The following COL22A1 variants were observed in gnomAD, a reference collection of about 807,000 sequenced individuals.
COL22A1 encodes collagen alpha-1(XXII) chain.
In COL22A1, 221 loss-of-function variants were observed where a neutral mutation model predicts 248.9. The observed-to-expected ratio is 0.89, with a 90% CI of 0.80 to 0.99. The LOEUF is 0.99. Ranked by LOEUF, COL22A1 falls within the 50% of genes least tolerant of loss-of-function variation. The probability of loss-of-function intolerance (pLI) is 0.00; values close to 1 mark genes in which losing one functional copy is unlikely to be tolerated. For missense variants in COL22A1, 2,240 were observed against 2,179.0 expected (o/e 1.03, Z -0.56); for synonymous variants, 891 against 793.4 (o/e 1.12, Z -2.07).
intron 39 of COL22A1, among the ~76,000 whole-genome samples, chr8:138,680,554 C>T (rs1825879608): frequency 6.6e-6 from 1 of 152,172 alleles, no homozygotes; most frequent in African/African-American, 2.4e-5. Flanking sequence ...AAGGGGCAGC[C>T]AAGGAAAACC....
intron 22 of COL22A1, among the ~76,000 whole-genome samples, chr8:138,741,836 T>C (rs1333815607): frequency 6.6e-6 from 1 of 152,182 alleles, no homozygotes; most frequent in Non-Finnish European, 1.5e-5. Context: ...TTGATGATAA[T>C]AATGGTGGTG....
chr8:138,823,307 A>C (rs1199060780), intron 6 of COL22A1, among the ~76,000 whole-genome samples: 3 of 152,232 alleles, frequency 2.0e-5, no homozygotes, highest in African/African-American at 7.2e-5. Flanking sequence ...TGCAATAATG[A>C]ATTAAGCAAG....
chr8:138,833,268 C>T (rs1371325059), intron 4 of COL22A1, 118 bp from the exon 5 acceptor site: 6 of 698,036 alleles, frequency 8.6e-6, no homozygotes, highest in African/African-American at 3.5e-5. Context: ...GAGAACAGAT[C>T]GGGAGGGAGT....
chr8:138,594,282 A>G (rs1817337151), intron 62 of COL22A1, 83 bp from the exon 63 acceptor site: 1 of 1,278,912 alleles, frequency 7.8e-7, no homozygotes, highest in Admixed American at 2.8e-5. Flanking sequence ...ACAACTCAGA[A>G]CCAGGGGGCC....
intron 30 of COL22A1, among the ~76,000 whole-genome samples, chr8:138,713,386 G>T (rs143697876): frequency 2.0e-5 from 3 of 152,158 alleles, no homozygotes; most frequent in Non-Finnish European, 4.4e-5. Context: ...TGACTTCATA[G>T]TTCATTGTTA....
intron 3 of COL22A1, among the ~76,000 whole-genome samples, chr8:138,862,205 G>A (rs1489764573): frequency 3.3e-5 from 5 of 152,044 alleles, no homozygotes; most frequent in Non-Finnish European, 4.4e-5. Context: ...GAGACAGAGC[G>A]AGACTCTGTC....
chr8:138,622,095 G>GGAAT (rs992158864), intron 52 of COL22A1, among the ~76,000 whole-genome samples: 1 of 152,170 alleles, frequency 6.6e-6, no homozygotes, highest in Non-Finnish European at 1.5e-5. Context: ...CAAATTAAAT[G>GGAAT]GAACATAAAC....
At chr8:138,629,915 A>G (rs1375443091) in intron 50 of COL22A1, among the ~76,000 whole-genome samples, 1 of 152,142 alleles carries the variant, frequency 6.6e-6, no homozygotes, top group East Asian at 1.9e-4. Context: ...GTGACCCTGA[A>G]CTGGCCATTT....
chr8:138,872,718 G>A (rs931173560), intron 3 of COL22A1, among the ~76,000 whole-genome samples: 7 of 152,256 alleles, frequency 4.6e-5, no homozygotes, highest in African/African-American at 1.7e-4. Context: ...TGGAGAAGCA[G>A]GAGTTGATGT....
At chr8:138,763,973 C>T (rs559486112) in intron 16 of COL22A1, among the ~76,000 whole-genome samples, 3 of 152,296 alleles carry the variant, frequency 2.0e-5, no homozygotes, top group East Asian at 1.9e-4. Context: ...GTGTGGGCCC[C>T]GCTGACATTT....
rs762508958 is a variant in COL22A1, at chr8:138,877,888, C to T, written c.520G>A (p.Ala174Thr). Residue 174 changes from alanine to threonine, a missense_variant, in exon 3 of 65, where the codon GCC becomes ACC. Ala to Thr is a moderately conservative substitution (Grantham distance 58). Coordinates refer to ENST00000303045, the MANE Select transcript of COL22A1 (RefSeq NM_152888.3). ...TTGAGTGCCTCGCCCACGCCCACGG[C>T]AAAGATGCGGATGCCAGCGCGGTGG... Reference protein sequence around the residue: ...AAHRAGIRIFAVGVGEALKEE... With the variant: ...AAHRAGIRIFTVGVGEALKEE... 6.2e-7 allele frequency: 1 copy of T among 1,612,554 alleles called. No individual in the cohort carries two copies. The highest frequency in any genetic ancestry group is 8.5e-7 in the Non-Finnish European group (1 of 1,179,482).
At chr8:138,792,976 C>T (rs1816194489) in intron 12 of COL22A1, among the ~76,000 whole-genome samples, 1 of 152,220 alleles carries the variant, frequency 6.6e-6, no homozygotes, top group African/African-American at 2.4e-5. Context: ...ATGGGCACAG[C>T]ATTGCCTTCC....
At chr8:138,591,191 C>T (rs897691127) in intron 64 of COL22A1, among the ~76,000 whole-genome samples, 4 of 152,082 alleles carry the variant, frequency 2.6e-5, no homozygotes, top group East Asian at 3.9e-4. Flanking sequence ...TTTAAACTCG[C>T]GGGATACACT....
chr8:138,877,819 C>T lies in COL22A1; in HGVS notation c.589G>A (p.Val197Ile), dbSNP rs776540980. ...EIASEPKSAH[V>I]FHVSDFNAID... is the part of the protein sequence containing the mutation. ...GCATTGAAGTCGGACACGTGGAAGA[C>T]GTGGGCGGACTTGGGCTCTGAGGCG... The change falls in exon 3 of 65, where the codon GTC becomes ATC. Residue 197 changes from valine to isoleucine, a missense_variant. Val to Ile is a conservative substitution (Grantham distance 29, BLOSUM62 3). Coordinates refer to ENST00000303045, the MANE Select transcript of COL22A1 (RefSeq NM_152888.3). 8.1e-6 allele frequency: 13 copies of T among 1,612,024 alleles called. No homozygotes were observed. The highest frequency in any genetic ancestry group is 6.7e-5 in the East Asian group (3 of 44,826).
intron 1 of COL22A1, among the ~76,000 whole-genome samples, chr8:138,897,366 T>C (rs1371279101): frequency 6.6e-6 from 1 of 151,836 alleles, no homozygotes; most frequent in Non-Finnish European, 1.5e-5. Context: ...GCCAACATGG[T>C]GAAACCCCGT....
At chr8:138,763,436 C>A (rs561032943) in intron 16 of COL22A1, among the ~76,000 whole-genome samples, 2 of 152,144 alleles carry the variant, frequency 1.3e-5, no homozygotes, top group South Asian at 4.2e-4. Flanking sequence ...CCACTGAAAA[C>A]CTTCCTGCTG....
chr8:138,681,132 T>C (rs970699694), intron 39 of COL22A1, among the ~76,000 whole-genome samples: 2 of 152,002 alleles, frequency 1.3e-5, no homozygotes, highest in Admixed American at 1.3e-4. Flanking sequence ...AATAAGGATC[T>C]AAGCATAATC....
intron 10 of COL22A1, among the ~76,000 whole-genome samples, chr8:138,805,484 C>CCTGTG (rs1817465479): frequency 1.9e-5 from 1 of 51,868 alleles, no homozygotes; most frequent in African/African-American, 1.3e-4. Context: ...TATGGGATGG[C>CCTGTG]ATGTGATGGT....
chr8:138,909,977 CA>C (rs1314965290), intron 1 of COL22A1, among the ~76,000 whole-genome samples: 2 of 152,192 alleles, frequency 1.3e-5, no homozygotes, highest in Non-Finnish European at 2.9e-5. Flanking sequence ...AATCTTGTCA[CA>C]AACAAAAATG....
Sources: gnomAD v4.1 joint callset for allele counts (sites outside exome capture counted in the v4.1 genomes callset) on GRCh38, gnomAD v4.1.1 for gene constraint, MANE v1.5 for transcripts, NCBI Gene and HGNC (gene_info 2026-07-23, HGNC 2026-07-21) for gene names.